The following SPTBN1 variants were observed in gnomAD, a reference collection of about 807,000 sequenced individuals.
SPTBN1 encodes the protein spectrin beta, non-erythrocytic 1, also known as spectrin beta chain, non-erythrocytic 1.
SPTBN1 carries 32 observed loss-of-function variants against 266.4 expected under a neutral mutation model. The ratio of observed to expected loss-of-function variants is 0.12; its 90% CI spans 0.09 to 0.16. SPTBN1 has a LOEUF of 0.16. Among genes scored for constraint, SPTBN1 ranks in the 10% least tolerant of loss-of-function variants. The probability of loss-of-function intolerance (pLI) is 1.00; values close to 1 mark genes in which losing one functional copy is unlikely to be tolerated. For synonymous variants in SPTBN1, 1,336 were observed against 1,162.2 expected (o/e 1.15, Z -3.04); for missense variants, 2,296 against 3,067.1 (o/e 0.75, Z 5.94).
At chr2:54,542,818 G>GT (rs1672015047) in intron 2 of SPTBN1, among the ~76,000 whole-genome samples, 1 of 152,178 alleles carries the variant, frequency 6.6e-6, no homozygotes, top group Admixed American at 6.5e-5. Context: ...AGAGGAATTT[G>GT]GTTTGGGTTC....
chr2:54,510,735 A>G (rs1297933324), intron 1 of SPTBN1, among the ~76,000 whole-genome samples: 2 of 152,240 alleles, frequency 1.3e-5, no homozygotes, highest in African/African-American at 4.8e-5. Context: ...TGAAAAATGC[A>G]GTTTCAAAAA....
intron 17 of SPTBN1, 48 bp downstream of exon 17, chr2:54,632,816 C>A: frequency 6.3e-7 from 1 of 1,594,080 alleles, no homozygotes; most frequent in South Asian, 1.1e-5. Context: ...TTGGGGCTCT[C>A]AAACTTCTGA....
At position 54,649,294 on chromosome 2, in the gene SPTBN1, A is replaced by G. The variant is rs1050706548; in HGVS notation, c.5202+104A>G. On this transcript the variant is annotated intron_variant, in intron 25 of 35. Coordinates refer to ENST00000356805, the MANE Select transcript of SPTBN1 (RefSeq NM_003128.3). This position sits in a 1 kb window ranked among gnomAD's most constrained non-coding sequence, Gnocchi z 6.7. ...AGCAGATAAAATGCCCTGGACTCCA[A>G]TCAGAGGTCTTGGGGTTTAGTTTTA... 23 of 1,276,852 alleles carry G rather than the reference A, an allele frequency of 1.8e-5. No homozygotes were observed. The highest frequency in any genetic ancestry group is 2.3e-5 in the Non-Finnish European group (21 of 932,482). The allele number at this position is 1,276,852 out of a possible 1,614,324, so 79.1% of individuals were successfully genotyped here.
intron 2 of SPTBN1, among the ~76,000 whole-genome samples, chr2:54,543,355 T>C (rs1314000823): frequency 6.6e-6 from 1 of 152,166 alleles, no homozygotes; most frequent in Non-Finnish European, 1.5e-5. Flanking sequence ...AATAAATCTT[T>C]TGAAGGGAGG....
Position 54,565,171 on chromosome 2 carries a change from A to C in SPTBN1, c.149-33921A>C, listed in dbSNP as rs569597175. Among the ~76,000 whole-genome samples the C allele has an allele frequency of 3.3e-5, 5 of 152,352 alleles. No homozygotes were observed. In the South Asian group the frequency reaches 1.0e-3, roughly 32 times the overall value. On this transcript the variant is annotated intron_variant, in intron 2 of 35. Coordinates refer to ENST00000356805, the MANE Select transcript of SPTBN1 (RefSeq NM_003128.3). ...CTGCCAGGTGGTTCTGGTGCACACT[A>C]AAATTTGAGAAATAGTCCCTTATTG...
intron 2 of SPTBN1, among the ~76,000 whole-genome samples, chr2:54,598,247 A>G (rs1405780166): frequency 6.6e-6 from 1 of 152,248 alleles, no homozygotes; most frequent in Non-Finnish European, 1.5e-5. Flanking sequence ...TGAATGTACA[A>G]CAATCACGCT....
Position 54,644,339 on chromosome 2 carries a change from T to C in SPTBN1, c.4022T>C (p.Ile1341Thr). ...GTTTTCCAGGAAGGAATGCAGCTCATTTCAGAAAAGCCTGAGACGGAAGCT... is the reference window on the plus strand; with the variant it reads ...GTTTTCCAGGAAGGAATGCAGCTCACTTCAGAAAAGCCTGAGACGGAAGCT... The part of the protein sequence containing the change: ...DKIEKEGMQL[I>T]SEKPETEAVV... Residue 1341 changes from isoleucine to threonine, a missense_variant, in exon 20 of 36, where the codon ATT becomes ACT. Around this residue, in one of 12 missense-constraint regions of SPTBN1, gnomAD observed 386 missense variants for 486.1 expected, o/e 0.79. Coordinates refer to ENST00000356805, the MANE Select transcript of SPTBN1 (RefSeq NM_003128.3). The C allele has an allele frequency of 1.9e-6, 3 of 1,610,012 alleles. No individual in the cohort carries two copies. Among genetic ancestry groups the C allele is most frequent in the Non-Finnish European group, 2.6e-6 (3 of 1,176,384 alleles).
chr2:54,495,539 T>TA (rs1475286336), intron 1 of SPTBN1, among the ~76,000 whole-genome samples: 2 of 152,144 alleles, frequency 1.3e-5, no homozygotes, highest in African/African-American at 4.8e-5. Context: ...TTAAGGAAAA[T>TA]ACACTTAAGA....
intron 1 of SPTBN1, among the ~76,000 whole-genome samples, chr2:54,483,865 G>A (rs1029113261): frequency 1.4e-4 from 22 of 152,182 alleles, no homozygotes; most frequent in African/African-American, 5.1e-4. Context: ...TTGTTCCGCT[G>A]GTCAGGTTAG....
At chr2:54,491,333 C>G (rs537100846) in intron 1 of SPTBN1, among the ~76,000 whole-genome samples, 1 of 152,084 alleles carries the variant, frequency 6.6e-6, no homozygotes, top group Non-Finnish European at 1.5e-5. Flanking sequence ...TTTTCTCTTT[C>G]GACCATTCTA....
At chr2:54,644,667 A>T in intron 20 of SPTBN1, 81 bp downstream of exon 20, 1 of 1,505,660 alleles carries the variant, frequency 6.6e-7, no homozygotes, top group Non-Finnish European at 8.9e-7. Flanking sequence ...CACCCACTGC[A>T]TTATCAGGAG....
intron 2 of SPTBN1, among the ~76,000 whole-genome samples, chr2:54,577,077 T>TAA (rs1674537892): frequency 6.6e-6 from 1 of 152,170 alleles, no homozygotes; most frequent in Non-Finnish European, 1.5e-5. Flanking sequence ...TTCCATTTCA[T>TAA]TTGTTAATGC....
chr2:54,552,245 A>G (rs544607901), intron 2 of SPTBN1, among the ~76,000 whole-genome samples: 2 of 152,344 alleles, frequency 1.3e-5, no homozygotes, highest in Admixed American at 6.5e-5. Context: ...AATTTCTCCT[A>G]TGAGGAGATA....
chr2:54,606,592 C>G (rs1411271702), intron 3 of SPTBN1, among the ~76,000 whole-genome samples: 1 of 152,184 alleles, frequency 6.6e-6, no homozygotes. Flanking sequence ...TTCGTTCAAT[C>G]CAGAAACCAC....
intron 5 of SPTBN1, among the ~76,000 whole-genome samples, chr2:54,616,607 G>A (rs1032537845): frequency 1.2e-4 from 19 of 152,206 alleles, no homozygotes; most frequent in African/African-American, 4.6e-4. Context: ...GATATTTTAA[G>A]AATACAGTTG....
At chr2:54,501,733 C>T (rs1193029601) in intron 1 of SPTBN1, among the ~76,000 whole-genome samples, 2 of 152,146 alleles carry the variant, frequency 1.3e-5, no homozygotes, top group African/African-American at 2.4e-5. Context: ...TACCTGGATG[C>T]CCTTTGCTGG....
At chr2:54,569,288 G>A (rs1299520532) in intron 2 of SPTBN1, among the ~76,000 whole-genome samples, 1 of 152,072 alleles carries the variant, frequency 6.6e-6, no homozygotes, top group East Asian at 1.9e-4. Context: ...GGGGACTGGG[G>A]GTTGTTCTTT....
intron 2 of SPTBN1, among the ~76,000 whole-genome samples, chr2:54,569,218 A>C (rs1416632666): frequency 1.3e-5 from 2 of 152,164 alleles, no homozygotes; most frequent in Non-Finnish European, 2.9e-5. Flanking sequence ...TTGGCTGGCA[A>C]CACTCCAGAA....
intron 5 of SPTBN1, among the ~76,000 whole-genome samples, chr2:54,617,377 T>C (rs954933501): frequency 3.9e-5 from 6 of 152,238 alleles, no homozygotes; most frequent in African/African-American, 1.4e-4. Flanking sequence ...TCACATCTTT[T>C]GTGAGACTGA....
Sources: allele counts gnomAD v4.1 joint callset (sites outside exome capture counted in the v4.1 genomes callset), GRCh38; gene constraint gnomAD v4.1.1; regional missense constraint gnomAD v4.1.1; non-coding constraint Gnocchi (gnomAD v3.1); transcripts MANE v1.5; gene names NCBI Gene and HGNC (gene_info 2026-07-23, HGNC 2026-07-21).